RGS3: variants seen among roughly 807,000 people sequenced by gnomAD.
The protein encoded by RGS3 is regulator of G-protein signalling 3.
In RGS3, 80 loss-of-function variants were observed where a neutral mutation model predicts 132.6. The observed-to-expected ratio is 0.60, with a 90% CI of 0.50 to 0.73. RGS3 has a LOEUF of 0.73. Ranked by LOEUF, RGS3 falls within the 30% of genes least tolerant of loss-of-function variation. The pLI, the probability that RGS3 is intolerant of heterozygous loss-of-function variation, is 0.00. For missense variants in RGS3, 1,382 were observed against 1,530.8 expected, an observed-to-expected ratio of 0.90 and a Z score of 1.62; for synonymous variants, 598 against 620.6, an observed-to-expected ratio of 0.96 and a Z score of 0.54.
intron 19 of RGS3, among the ~76,000 whole-genome samples, chr9:113,543,051 A>T (rs1253139016): frequency 1.3e-5 from 2 of 152,278 alleles, no homozygotes; most frequent in African/African-American, 4.8e-5. Context: ...TCATACTCTT[A>T]TCTAACTGCC....
At chr9:113,533,321 C>T (rs1832552645) in intron 18 of RGS3, among the ~76,000 whole-genome samples, 1 of 151,764 alleles carries the variant, frequency 6.6e-6, no homozygotes, top group African/African-American at 2.4e-5. Flanking sequence ...ACATCCGCCT[C>T]CTGGGTTCAA....
chr9:113,539,055 G>C (rs1032255347), intron 19 of RGS3, among the ~76,000 whole-genome samples: 3 of 152,232 alleles, frequency 2.0e-5, no homozygotes, highest in African/African-American at 7.2e-5. Context: ...AGGAATTCCA[G>C]TAAATAGATT....
intron 16 of RGS3, among the ~76,000 whole-genome samples, chr9:113,519,559 A>T (rs934782165): frequency 1.3e-5 from 2 of 152,060 alleles, no homozygotes; most frequent in South Asian, 2.1e-4. Context: ...AAATTCATGA[A>T]ATCTCAGCAT....
intron 18 of RGS3, among the ~76,000 whole-genome samples, chr9:113,532,823 G>A (rs1003190986): frequency 1.3e-5 from 2 of 152,128 alleles, no homozygotes; most frequent in Non-Finnish European, 2.9e-5. Flanking sequence ...TTTGTAGGGA[G>A]GGGGACACCA....
In RGS3 at chr9:113,593,967, C is replaced by T. The variant is rs924460598; in HGVS notation, c.3081-463C>T. ...CAAATAGCTGGGACTGGCTTCCTGC[C>T]GGGGCGGCCCCAGAGGCTGTCCCTT... On this transcript the variant is annotated intron_variant, in intron 21 of 24. Coordinates refer to ENST00000350696, the Ensembl canonical transcript of RGS3. The T allele has an allele frequency of 2.6e-5, 42 of 1,612,850 alleles. No individual in the cohort carries two copies. In the Middle Eastern group the frequency reaches 4.9e-4, roughly 19 times the overall value.
intron 19 of RGS3, among the ~76,000 whole-genome samples, chr9:113,564,671 T>A (rs1156264649): frequency 1.3e-5 from 2 of 152,156 alleles, no homozygotes. Flanking sequence ...TGTAACAGGA[T>A]GTTACAGTCC....
upstream of RGS3, among the ~76,000 whole-genome samples, chr9:113,459,171 G>A (rs1042990997): frequency 3.9e-5 from 6 of 152,064 alleles, no homozygotes; most frequent in African/African-American, 1.2e-4. Context: ...TCTACCTAGC[G>A]CTGACACATC....
chr9:113,582,357 C>G (rs551561261), intron 19 of RGS3: 12 of 313,268 alleles, frequency 3.8e-5, no homozygotes, highest in Non-Finnish European at 5.1e-5. Flanking sequence ...AAGTTTTCTG[C>G]CAGTGTGCGC....
chr9:113,565,395 AGAGGAGGAGGACAAGTAGGAG>A lies in RGS3; in HGVS notation c.2038-18046_2038-18026del. The stretch of plus-strand genomic sequence containing the variant: ...TGGGAAAGGCGCTGGAGGAGGAGGA[AGAGGAGGAGGACAAGTAGGAG>A]GAGGAGGAAGAGGAGGAGGGACGGG... On this transcript the variant is annotated intron_variant, in intron 19 of 24. Transcript: ENST00000350696. This position sits in a 1 kb window ranked among gnomAD's most constrained non-coding sequence, Gnocchi z 5.7. 1 of 1,288,254 alleles carries A rather than the reference AGAGGAGGAGGACAAGTAGGAG, an allele frequency of 7.8e-7. No individual in the cohort carries two copies. The highest frequency in any genetic ancestry group is 1.5e-5 in the African/African-American group (1 of 65,214). 79.8% of individuals were successfully genotyped at this position (1,288,254 alleles called of 1,614,324 possible).
At chr9:113,474,010 T>C (rs1325652989) in intron 3 of RGS3, among the ~76,000 whole-genome samples, 1 of 152,144 alleles carries the variant, frequency 6.6e-6, no homozygotes, top group Non-Finnish European at 1.5e-5. Flanking sequence ...AGGAGTTTTA[T>C]TTTACCAGCT....
chr9:113,501,658 C>T, intron 10 of RGS3: 1 of 1,552,586 alleles, frequency 6.4e-7, no homozygotes, highest in East Asian at 2.3e-5. Flanking sequence ...TGTGGGGAGC[C>T]TGTGGGGTGT....
intron 19 of RGS3, among the ~76,000 whole-genome samples, chr9:113,546,995 G>A (rs1177009042): frequency 2.0e-5 from 3 of 152,222 alleles, no homozygotes; most frequent in Non-Finnish European, 4.4e-5. Flanking sequence ...GTCTCCAGGA[G>A]TCATCTGATT....
At chr9:113,559,700 G>A (rs7024996) in intron 19 of RGS3, among the ~76,000 whole-genome samples, 18,173 of 152,186 alleles carry the variant, frequency 0.12, 1,311 homozygotes, top group African/African-American at 0.19. Context: ...CTTCCGCCTT[G>A]TAACCTTTCT....
intron 3 of RGS3, among the ~76,000 whole-genome samples, chr9:113,471,964 T>C (rs1208828096): frequency 6.6e-6 from 1 of 152,024 alleles, no homozygotes; most frequent in Non-Finnish European, 1.5e-5. Context: ...CAAAAATGGG[T>C]AAAGGATTTG....
exon 8 of RGS3, chr9:113,495,804 C>T (rs773546750): frequency 3.7e-6 from 6 of 1,614,144 alleles, no homozygotes; most frequent in Non-Finnish European, 5.1e-6. Context: ...GACTCATTGG[C>T]TGCATGAGCT....
upstream of RGS3, among the ~76,000 whole-genome samples, chr9:113,457,432 A>G (rs893371408): frequency 6.6e-5 from 10 of 152,054 alleles, no homozygotes; most frequent in African/African-American, 1.9e-4. Flanking sequence ...CCAATCTCCC[A>G]CTTGACTATA....
chr9:113,568,247 G>C (rs1047694925), intron 19 of RGS3, among the ~76,000 whole-genome samples: 1 of 152,230 alleles, frequency 6.6e-6, no homozygotes, highest in East Asian at 1.9e-4. Flanking sequence ...TCATCTTGGG[G>C]CTCTCTTTCT....
intron 16 of RGS3, 37 bp downstream of exon 14, chr9:113,517,661 G>A: frequency 6.5e-6 from 10 of 1,545,424 alleles, no homozygotes; most frequent in Non-Finnish European, 8.9e-6. Context: ...GGGGCTTTCT[G>A]GGTGGGCTTC....
In RGS3 at chr9:113,520,186, C is replaced by T. The variant is rs545165288; in HGVS notation, c.1758+2562C>T. Among the ~76,000 whole-genome samples, 12 of 152,314 alleles carry T rather than the reference C, an allele frequency of 7.9e-5. No individual in the cohort carries two copies. The South Asian group carries it at 1.0e-3, about 13-fold the overall frequency. On this transcript the variant is annotated intron_variant, in intron 16 of 24. Coordinates refer to ENST00000350696, the Ensembl canonical transcript of RGS3. ...TGTGGGGAAGACACTGGGTGACCCC[C>T]GTGGCCTGTGGAAGGCGACAGGTGA...
Sources: allele counts gnomAD v4.1 joint callset (sites outside exome capture counted in the v4.1 genomes callset), GRCh38; gene constraint gnomAD v4.1.1; non-coding constraint Gnocchi (gnomAD v3.1); transcripts MANE v1.5; gene names NCBI Gene and HGNC (gene_info 2026-07-23, HGNC 2026-07-21).